ITPK1: variants seen among roughly 807,000 people sequenced by gnomAD.
ITPK1 encodes the protein inositol-tetrakisphosphate 1-kinase.
In ITPK1, 21 loss-of-function variants were observed where a neutral mutation model predicts 45.3. The ratio of observed to expected loss-of-function variants is 0.46; its 90% CI spans 0.33 to 0.67. The LOEUF is 0.67. Ranked by LOEUF, ITPK1 falls within the 30% of genes least tolerant of loss-of-function variation. ITPK1 has a pLI of 0.02. For missense variants in ITPK1, 474 were observed against 573.5 expected, an observed-to-expected ratio of 0.83 and a Z score of 1.77; for synonymous variants, 258 against 253.6, an observed-to-expected ratio of 1.02 and a Z score of -0.16.
chr14:92,981,939 G>A (rs1886255143), intron 5 of ITPK1, among the ~76,000 whole-genome samples: 1 of 152,222 alleles, frequency 6.6e-6, no homozygotes, highest in Non-Finnish European at 1.5e-5. Context: ...ATTCCAGATA[G>A]GCAGAACACC....
chr14:92,947,751 G>A (rs1887756361), intron 9 of ITPK1, among the ~76,000 whole-genome samples: 1 of 152,208 alleles, frequency 6.6e-6, no homozygotes, highest in African/African-American at 2.4e-5. Flanking sequence ...TTTGGGGGTT[G>A]TGGGCTTAGG....
chr14:93,070,857 T>C (rs1453597063), intron 3 of ITPK1: 1 of 153,830 alleles, frequency 6.5e-6, no homozygotes, highest in Non-Finnish European at 1.5e-5. Flanking sequence ...CTGCACGGCC[T>C]GGCTATGAGG....
At chr14:93,030,563 G>A (rs1484751627) in intron 3 of ITPK1, among the ~76,000 whole-genome samples, 4 of 152,224 alleles carry the variant, frequency 2.6e-5, no homozygotes, top group African/African-American at 4.8e-5. Flanking sequence ...TGTCCTCAGT[G>A]CTCATACTCA....
chr14:92,947,317 C>T (rs1251078626), intron 9 of ITPK1, among the ~76,000 whole-genome samples: 2 of 152,264 alleles, frequency 1.3e-5, no homozygotes, highest in African/African-American at 4.8e-5. Flanking sequence ...GGTCAGGCCA[C>T]CCTGCTCTGT....
chr14:93,053,996 C>G (rs55974977), intron 3 of ITPK1, among the ~76,000 whole-genome samples: 93,412 of 152,014 alleles, frequency 0.61, 29,452 homozygotes, highest in African/African-American at 0.77. Context: ...GAGATGGGGT[C>G]GGGGAAGGAA....
In ITPK1 at chr14:93,067,321, T is replaced by C. The variant is rs191035071; in HGVS notation, c.120+9274A>G. The C allele has an allele frequency of 6.3e-3, 956 of 152,272 alleles. 5 individuals are homozygous for C. Among genetic ancestry groups the C allele is most frequent in the Non-Finnish European group, 7.4e-3 (505 of 68,030 alleles). 9.4% of individuals were successfully genotyped at this position (152,272 alleles called of 1,614,324 possible). On this transcript the variant is annotated intron_variant, in intron 3 of 10. Transcript: ENST00000267615. ...GTGTGGTGAGGAGGGCCTGGGGTTC[T>C]GGAAGCCTGCCTGCAAGAAGGCACC... is the stretch of plus-strand genomic sequence containing the variant.
intron 4 of ITPK1, among the ~76,000 whole-genome samples, chr14:93,007,218 C>A (rs572996278): frequency 6.6e-6 from 1 of 152,344 alleles, no homozygotes; most frequent in East Asian, 1.9e-4. Flanking sequence ...CTGTCTGAAC[C>A]CCTACATGCA....
chr14:93,025,671 C>T (rs1304770035), intron 3 of ITPK1, among the ~76,000 whole-genome samples: 2 of 152,312 alleles, frequency 1.3e-5, no homozygotes, highest in Middle Eastern at 3.4e-3. Context: ...TTGTCTTTCA[C>T]CAATATCACA....
chr14:92,938,367 T>A lies in ITPK1; in HGVS notation c.*3194A>T. On this transcript the variant is annotated 3_prime_UTR_variant, in exon 11 of 11. Coordinates refer to ENST00000267615, the MANE Select transcript of ITPK1 (RefSeq NM_014216.6). ...ATGTGAGTGCCCAAGAGCCAAGAAC[T>A]GGTCTTCCAGGCTAGAAGGACAAAC... The A allele has an allele frequency of 2.5e-6, 2 of 788,524 alleles. No individual in the cohort carries two copies. Among genetic ancestry groups the A allele is most frequent in the South Asian group, 2.9e-5 (2 of 68,778 alleles). The allele number at this position is 788,524 out of a possible 1,614,324, so 48.8% of individuals were successfully genotyped here.
At chr14:93,038,070 T>A (rs1889394067) in intron 3 of ITPK1, among the ~76,000 whole-genome samples, 1 of 152,166 alleles carries the variant, frequency 6.6e-6, no homozygotes, top group African/African-American at 2.4e-5. Flanking sequence ...TTTTTTTTTT[T>A]GAGATGGAGC....
chr14:92,994,439 G>A (rs1886949856), intron 4 of ITPK1, among the ~76,000 whole-genome samples: 1 of 152,154 alleles, frequency 6.6e-6, no homozygotes, highest in African/African-American at 2.4e-5. Flanking sequence ...GCCACAGGGT[G>A]GGCACCAGCC....
At chr14:92,976,554 C>A (rs1885951813) in intron 5 of ITPK1, among the ~76,000 whole-genome samples, 1 of 152,184 alleles carries the variant, frequency 6.6e-6, no homozygotes, top group Non-Finnish European at 1.5e-5. Context: ...AACAGACAAC[C>A]AAAATGAAGG....
At chr14:92,967,853 C>T (rs754649115) in intron 5 of ITPK1, among the ~76,000 whole-genome samples, 1 of 152,100 alleles carries the variant, frequency 6.6e-6, no homozygotes, top group South Asian at 2.1e-4. Flanking sequence ...GTCCAGAACA[C>T]GCACATCCAT....
intron 5 of ITPK1, among the ~76,000 whole-genome samples, chr14:92,963,909 G>A (rs915341873): frequency 2.6e-5 from 4 of 152,140 alleles, no homozygotes; most frequent in African/African-American, 7.2e-5. Flanking sequence ...GAGTGTGAGC[G>A]GGGCGGGGGC....
At position 93,040,540 on chromosome 14, in the gene ITPK1, T is replaced by C. The variant is rs1315683320; in HGVS notation, c.121-23739A>G. ...CCCTGCCCAGGCACCCTGCAGACACTGTATACACCAAATACTTGGAGTTCC... is the reference window on the plus strand; with the variant it reads ...CCCTGCCCAGGCACCCTGCAGACACCGTATACACCAAATACTTGGAGTTCC... On this transcript the variant is annotated intron_variant, in intron 3 of 10. Coordinates refer to ENST00000267615, the MANE Select transcript of ITPK1 (RefSeq NM_014216.6). Among the ~76,000 whole-genome samples the C allele has an allele frequency of 2.0e-5, 3 of 152,328 alleles. No individual in the cohort carries two copies. The East Asian group carries it at 5.8e-4, about 29-fold the overall frequency.
chr14:93,030,911 C>T (rs147796880), intron 3 of ITPK1, among the ~76,000 whole-genome samples: 181 of 152,252 alleles, frequency 1.2e-3, no homozygotes, highest in African/African-American at 4.2e-3. Flanking sequence ...GGAGGAACAT[C>T]GTGAGGAGAT....
intron 3 of ITPK1, among the ~76,000 whole-genome samples, chr14:93,062,508 T>A (rs1890570040): frequency 6.6e-6 from 1 of 152,164 alleles, no homozygotes; most frequent in Admixed American, 6.5e-5. Flanking sequence ...AGGACATGAA[T>A]AAAGTCACAC....
chr14:93,003,325 G>A (rs995614451), intron 4 of ITPK1, among the ~76,000 whole-genome samples: 1 of 152,220 alleles, frequency 6.6e-6, no homozygotes, highest in African/African-American at 2.4e-5. Flanking sequence ...CACTGCAACC[G>A]TGAAACCAAC....
intron 3 of ITPK1, among the ~76,000 whole-genome samples, chr14:93,029,821 G>A (rs1459107559): frequency 6.6e-6 from 1 of 152,154 alleles, no homozygotes; most frequent in Non-Finnish European, 1.5e-5. Flanking sequence ...GACCCTCCCA[G>A]GCCCAAGAGA....
Sources: gnomAD v4.1 joint callset for allele counts (sites outside exome capture counted in the v4.1 genomes callset) on GRCh38, gnomAD v4.1.1 for gene constraint, MANE v1.5 for transcripts, NCBI Gene and HGNC (gene_info 2026-07-23, HGNC 2026-07-21) for gene names.